Variants in VAV2 observed in about 807,000 individuals in gnomAD.
VAV2 encodes guanine nucleotide exchange factor VAV2.
Under a neutral mutation model 132.5 loss-of-function variants are expected in VAV2, and 67 were observed. The observed-to-expected ratio is 0.51, with a 90% CI of 0.42 to 0.62. The LOEUF is 0.62. VAV2 is among the 20% of genes least tolerant of loss of function. VAV2 has a pLI of 0.00. For missense variants in VAV2, 938 were observed against 1,153.6 expected (o/e 0.81, Z 2.71); for synonymous variants, 492 against 443.5 (o/e 1.11, Z -1.37).
At chr9:133,929,920 C>T (rs1339231833) in intron 2 of VAV2, among the ~76,000 whole-genome samples, 1 of 152,208 alleles carries the variant, frequency 6.6e-6, no homozygotes, top group African/African-American at 2.4e-5. Context: ...CTTCAGAACC[C>T]TTTTTTTAAG....
At chr9:133,933,841 TGGTG>T (rs1840787869) in intron 2 of VAV2, among the ~76,000 whole-genome samples, 2 of 135,678 alleles carry the variant, frequency 1.5e-5, no homozygotes, top group Admixed American at 7.3e-5. Context: ...GATGGATGGA[TGGTG>T]GATGGGTGGA....
chr9:133,917,441 C>CTTTTTTTTTTTTTT (rs56141918), intron 2 of VAV2, among the ~76,000 whole-genome samples: 25 of 132,580 alleles, frequency 1.9e-4, no homozygotes, highest in African/African-American at 7.9e-4. Context: ...AAAACTCTTT[C>CTTTTTTTTTTTTTT]TTTTTTTTTT....
In VAV2 at chr9:133,928,525, C is replaced by T. The variant is rs541528623; in HGVS notation, c.321+10578G>A. ...AGGCAGGGAGTGCAAATGAACTCAC[C>T]GCAGCATTAGCATCTCAGAGTCATC... is the stretch of plus-strand genomic sequence containing the variant. On this transcript the variant is annotated intron_variant, in intron 2 of 29. Coordinates refer to ENST00000371850, the MANE Select transcript of VAV2 (RefSeq NM_001134398.2). This position sits in a 1 kb window ranked among gnomAD's most constrained non-coding sequence, Gnocchi z 5.4. Among the ~76,000 whole-genome samples, 133 of 152,256 alleles carry T rather than the reference C, an allele frequency of 8.7e-4. No individual in the cohort carries two copies. Among genetic ancestry groups the T allele is most frequent in the African/African-American group, 2.7e-3 (111 of 41,538 alleles).
intron 6 of VAV2, 73 bp downstream of exon 6, chr9:133,810,118 C>T: frequency 2.5e-6 from 4 of 1,605,782 alleles, no homozygotes; most frequent in Non-Finnish European, 3.4e-6. Flanking sequence ...TCAGAGAGGT[C>T]TGAGACCTCC....
Position 133,769,415 on chromosome 9 carries a change from A to G in VAV2, c.2434+2T>C. 6.2e-7 allele frequency: 1 copy of G among 1,610,912 alleles called. No homozygotes were observed. The highest frequency in any genetic ancestry group is 8.5e-7 in the Non-Finnish European group (1 of 1,178,798). On this transcript the variant is annotated splice_donor_variant, in intron 28 of 29. Transcript: ENST00000371850. LOFTEE classifies it high-confidence loss of function. This position sits in a 1 kb window ranked among gnomAD's most constrained non-coding sequence, Gnocchi z 8.1. ...CCCCCACGCCCTGGGGAGCAGCGGT[A>G]CCTGACCAGAAGGGAGCGGAGGGGC...
At chr9:133,795,161 CG>C (rs1314029944) in intron 12 of VAV2, among the ~76,000 whole-genome samples, 1 of 152,188 alleles carries the variant, frequency 6.6e-6, no homozygotes, top group African/African-American at 2.4e-5. Context: ...GAGGGAGCCA[CG>C]GAAGGTTTCT....
At chr9:133,795,773 G>C (rs111382095) in intron 11 of VAV2, 37 bp from the exon 12 acceptor site, 5 of 1,606,402 alleles carry the variant, frequency 3.1e-6, no homozygotes, top group Non-Finnish European at 4.3e-6. Context: ...GTTACCACTC[G>C]GGGGTTCTGG....
chr9:133,947,110 C>G (rs529787938), intron 1 of VAV2, among the ~76,000 whole-genome samples: 1 of 152,214 alleles, frequency 6.6e-6, no homozygotes, highest in Non-Finnish European at 1.5e-5. Flanking sequence ...AGAGAGTCCA[C>G]GATGCCTTCC....
intron 2 of VAV2, among the ~76,000 whole-genome samples, chr9:133,936,696 G>T (rs1216674975): frequency 2.0e-5 from 3 of 152,182 alleles, no homozygotes; most frequent in African/African-American, 7.2e-5. Context: ...ACCTCATCCA[G>T]TCTCCTCAGC....
intron 1 of VAV2, among the ~76,000 whole-genome samples, chr9:133,971,453 A>C (rs1204469377): frequency 6.6e-6 from 1 of 151,990 alleles, no homozygotes; most frequent in African/African-American, 2.4e-5. Flanking sequence ...CCCACGGCCC[A>C]CACACACACA....
chr9:133,902,719 C>A (rs1423056527), intron 2 of VAV2, among the ~76,000 whole-genome samples: 4 of 152,142 alleles, frequency 2.6e-5, no homozygotes, highest in Admixed American at 2.6e-4. Flanking sequence ...AAAGAGAAAT[C>A]AAGTTAAAAT....
intron 1 of VAV2, among the ~76,000 whole-genome samples, chr9:133,981,548 T>G (rs900296674): frequency 2.0e-5 from 3 of 152,170 alleles, no homozygotes; most frequent in African/African-American, 7.2e-5. Context: ...GGGTGCCGAG[T>G]CCTGAGGCTC....
chr9:133,915,891 TCACA>T (rs200444412), intron 2 of VAV2, among the ~76,000 whole-genome samples: 5 of 78,436 alleles, frequency 6.4e-5, no homozygotes, highest in African/African-American at 1.9e-4. Flanking sequence ...ACATGCACAC[TCACA>T]CACGATGCAC....
chr9:133,971,963 C>T lies in VAV2; in HGVS notation c.204+20112G>A, dbSNP rs149343317. On this transcript the variant is annotated intron_variant, in intron 1 of 29. Coordinates refer to ENST00000371850, the MANE Select transcript of VAV2 (RefSeq NM_001134398.2). ...CAGAAAACAACCTCAAGGAAGTGGA[C>T]GGCATGGCCCGGATTCACCAGAGAT... 6.6e-5 allele frequency among the ~76,000 whole-genome samples: 10 copies of T among 152,288 alleles called. No individual in the cohort carries two copies. The East Asian group carries it at 1.2e-3, about 18-fold the overall frequency.
intron 22 of VAV2, among the ~76,000 whole-genome samples, chr9:133,778,167 TGGGG>T: frequency 6.6e-6 from 1 of 151,574 alleles, no homozygotes; most frequent in South Asian, 2.1e-4. Flanking sequence ...CTGCTGAAGG[TGGGG>T]ATGAACGCCC....
intron 8 of VAV2, among the ~76,000 whole-genome samples, 163 bp from the exon 9 acceptor site, chr9:133,806,344 C>G (rs1303964274): frequency 6.6e-6 from 1 of 152,170 alleles, no homozygotes; most frequent in African/African-American, 2.4e-5. Flanking sequence ...GGGTGTGATT[C>G]AGGTAGAAGG....
At position 133,967,871 on chromosome 9, in the gene VAV2, C is replaced by T. The variant is rs551047175; in HGVS notation, c.204+24204G>A. Among the ~76,000 whole-genome samples, 544 of 136,682 alleles carry T rather than the reference C, an allele frequency of 4.0e-3. 2 individuals are homozygous for T. The highest frequency in any genetic ancestry group is 0.013 in the African/African-American group (501 of 37,168). The allele number at this position is 136,682 out of a possible 152,430, so 89.7% of individuals were successfully genotyped here. A position where few individuals can be genotyped will look rare whatever the true frequency, so the allele number is the denominator to read the frequency against. On this transcript the variant is annotated intron_variant, in intron 1 of 29. Transcript: ENST00000371850. ...TGGCTTGAACCCACGAGGTGGAGGT[C>T]GCAGTGAGCCAAGATCACACCACTG...
rs1320549291 is a variant in VAV2, at chr9:133,914,269, T to C, written c.321+24834A>G. 5.9e-5 allele frequency among the ~76,000 whole-genome samples: 9 copies of C among 152,248 alleles called. No homozygotes were observed. The East Asian group carries it at 1.6e-3, about 26-fold the overall frequency. ...AGCCCAGCAATCCCGCTCCTGGGTA[T>C]GTACCCAACAGGATGGGAAGACAGG... is the stretch of plus-strand genomic sequence containing the variant. On this transcript the variant is annotated intron_variant, in intron 2 of 29. Coordinates refer to ENST00000371850, the MANE Select transcript of VAV2 (RefSeq NM_001134398.2).
At position 133,833,657 on chromosome 9, in the gene VAV2, C is replaced by G. The variant is rs1460347314; in HGVS notation, c.449+615G>C. Among the ~76,000 whole-genome samples the G allele has an allele frequency of 6.6e-6, 1 of 152,188 alleles. No homozygotes were observed. Among genetic ancestry groups the G allele is most frequent in the Non-Finnish European group, 1.5e-5 (1 of 68,020 alleles). On this transcript the variant is annotated intron_variant, in intron 4 of 29. Transcript: ENST00000371850. The surrounding 1 kb of genome is among the most constrained non-coding windows in gnomAD (Gnocchi z 5.6). ...CCTGGAGCGGGCCACGTGATCCCAC[C>G]CTGGTCACAGATTCCCACGGTCCCG...
Sources: gnomAD v4.1 joint callset for allele counts (sites outside exome capture counted in the v4.1 genomes callset) on GRCh38, gnomAD v4.1.1 for gene constraint, Gnocchi (gnomAD v3.1) non-coding constraint, MANE v1.5 for transcripts, NCBI Gene and HGNC (gene_info 2026-07-23, HGNC 2026-07-21) for gene names.